NDRG1: variants seen among roughly 807,000 people sequenced by gnomAD.
NDRG1 encodes the protein N-myc downstream regulated 1, also known as protein NDRG1.
NDRG1 carries 32 observed loss-of-function variants against 56.9 expected under a neutral mutation model. The ratio of observed to expected loss-of-function variants is 0.56; its 90% CI spans 0.42 to 0.76. The LOEUF is 0.76. Ranked by LOEUF, NDRG1 falls within the 30% of genes least tolerant of loss-of-function variation. The probability of loss-of-function intolerance (pLI) is 0.00; values close to 1 mark genes in which losing one functional copy is unlikely to be tolerated. For missense variants in NDRG1, 507 were observed against 545.7 expected, an observed-to-expected ratio of 0.93 and a Z score of 0.71; for synonymous variants, 211 against 204.1, an observed-to-expected ratio of 1.03 and a Z score of -0.29.
chr8:133,242,892 TA>T (rs1462935994), intron 14 of NDRG1, among the ~76,000 whole-genome samples: 1 of 152,188 alleles, frequency 6.6e-6, no homozygotes, highest in Non-Finnish European at 1.5e-5. Context: ...GTTGGATGGG[TA>T]AACAAACCAA....
In NDRG1 at chr8:133,242,138, G is replaced by C. The variant is rs575133178; in HGVS notation, c.892-64C>G. The C allele has an allele frequency of 3.8e-5, 59 of 1,555,128 alleles. No individual in the cohort carries two copies. The East Asian group carries it at 1.2e-3, about 33-fold the overall frequency. ...GGGAGCCAGATCACCCGAGGCCATG[G>C]GGGGCTGTGCCTGTGGTCACCTTCA... On this transcript the variant is annotated intron_variant, in intron 14 of 15. Coordinates refer to ENST00000323851, the MANE Select transcript of NDRG1 (RefSeq NM_006096.4).
At chr8:133,295,314 C>T (rs946133072) in intron 1 of NDRG1, among the ~76,000 whole-genome samples, 1 of 152,218 alleles carries the variant, frequency 6.6e-6, no homozygotes, top group Non-Finnish European at 1.5e-5. Flanking sequence ...CAGGGCAGGG[C>T]AGGCAAATCC....
chr8:133,255,316 T>C (rs1407030449), intron 8 of NDRG1: 1 of 456,218 alleles, frequency 2.2e-6, no homozygotes, highest in Non-Finnish European at 4.4e-6. Context: ...GCCAGGAACT[T>C]CAAGGCCACA....
chr8:133,279,966 C>A (rs1157970173), intron 3 of NDRG1, among the ~76,000 whole-genome samples: 1 of 152,190 alleles, frequency 6.6e-6, no homozygotes, highest in Non-Finnish European at 1.5e-5. Flanking sequence ...CACGCCCCAC[C>A]GTTCTGGCCA....
At chr8:133,269,523 G>A (rs188841198) in intron 3 of NDRG1, among the ~76,000 whole-genome samples, 70 of 152,254 alleles carry the variant, frequency 4.6e-4, no homozygotes, top group Admixed American at 1.7e-3. Context: ...TTAAATACAC[G>A]GAACAACCAT....
intron 1 of NDRG1, among the ~76,000 whole-genome samples, chr8:133,291,870 C>T (rs1034877139): frequency 1.3e-5 from 2 of 152,158 alleles, no homozygotes; most frequent in Non-Finnish European, 2.9e-5. Context: ...TCCAGAGGGG[C>T]TGGAGCTGAA....
intron 13 of NDRG1, 27 bp from the exon 14 acceptor site, chr8:133,244,417 C>T: frequency 6.2e-7 from 1 of 1,614,110 alleles, no homozygotes; most frequent in Non-Finnish European, 8.5e-7. Context: ...CTCGTTAGTG[C>T]CAAACACCAC....
At chr8:133,276,184 T>C (rs1221129209) in intron 3 of NDRG1, among the ~76,000 whole-genome samples, 1 of 152,206 alleles carries the variant, frequency 6.6e-6, no homozygotes, top group South Asian at 2.1e-4. Context: ...CCCACTTTAA[T>C]GATGTCCTAA....
Position 133,238,876 on chromosome 8 carries a change from G to C in NDRG1, c.*2C>G. 1.9e-6 allele frequency: 3 copies of C among 1,551,806 alleles called. No individual in the cohort carries two copies. The Middle Eastern group carries it at 5.6e-4, about 290-fold the overall frequency. ...TCCGGGGGCGGCAGCTGGGCAGGCCGCCTAGCAGGAGACCTCCATGGACTT... is the reference window on the plus strand; with the variant it reads ...TCCGGGGGCGGCAGCTGGGCAGGCCCCCTAGCAGGAGACCTCCATGGACTT... On this transcript the variant is annotated 3_prime_UTR_variant, in exon 16 of 16. Transcript: ENST00000323851.
intron 2 of NDRG1, among the ~76,000 whole-genome samples, chr8:133,282,430 A>G (rs1857862204): frequency 1.3e-5 from 2 of 152,254 alleles, no homozygotes; most frequent in Non-Finnish European, 2.9e-5. Context: ...CAAGTGGATT[A>G]TGGACTGATG....
intron 12 of NDRG1, 25 bp downstream of exon 12, chr8:133,247,850 G>C (rs1156915548): frequency 6.2e-7 from 1 of 1,613,588 alleles, no homozygotes; most frequent in South Asian, 1.1e-5. Flanking sequence ...ATTAAACACA[G>C]AAATCAGCTG....
At chr8:133,284,870 C>A (rs570054869) in intron 1 of NDRG1, 21 of 456,410 alleles carry the variant, frequency 4.6e-5, no homozygotes, top group Non-Finnish European at 8.8e-5. Context: ...CATACACACC[C>A]CACGGTGCAG....
intron 1 of NDRG1, among the ~76,000 whole-genome samples, chr8:133,292,475 C>T (rs1858485013): frequency 6.6e-6 from 1 of 152,150 alleles, no homozygotes; most frequent in South Asian, 2.1e-4. Context: ...ATGGACAGGT[C>T]CCAGGAAGGA....
intron 3 of NDRG1, among the ~76,000 whole-genome samples, chr8:133,269,823 T>C (rs1857103220): frequency 6.6e-6 from 1 of 152,214 alleles, no homozygotes; most frequent in Admixed American, 6.5e-5. Context: ...GGACTGGCCA[T>C]CCATGCAGCA....
At chr8:133,273,338 G>T (rs117911482) in intron 3 of NDRG1, among the ~76,000 whole-genome samples, 1 of 152,222 alleles carries the variant, frequency 6.6e-6, no homozygotes, top group Non-Finnish European at 1.5e-5. Context: ...CAACTCTGCT[G>T]TCCCTTCCCC....
At chr8:133,249,990 G>T (rs1264915621) in intron 10 of NDRG1, among the ~76,000 whole-genome samples, 1 of 152,120 alleles carries the variant, frequency 6.6e-6, no homozygotes, top group African/African-American at 2.4e-5. Flanking sequence ...GGTTGAGAGG[G>T]CCACGCCTTA....
chr8:133,261,589 A>G (rs1403541611), intron 5 of NDRG1, among the ~76,000 whole-genome samples: 1 of 152,262 alleles, frequency 6.6e-6, no homozygotes, highest in Non-Finnish European at 1.5e-5. Flanking sequence ...GAAGGGCTCC[A>G]TCAATGTTAC....
chr8:133,275,000 G>C (rs531464383), intron 3 of NDRG1, among the ~76,000 whole-genome samples: 1 of 152,294 alleles, frequency 6.6e-6, no homozygotes, highest in Admixed American at 6.5e-5. Flanking sequence ...TCGCTTTGCT[G>C]CAACTCCCAT....
intron 5 of NDRG1, chr8:133,259,447 G>C (rs1563625000): frequency 3.3e-6 from 2 of 601,458 alleles, no homozygotes; most frequent in Non-Finnish European, 6.0e-6. Context: ...GACACATTCT[G>C]GGAATTAGCT....
Sources: allele counts gnomAD v4.1 joint callset (sites outside exome capture counted in the v4.1 genomes callset), GRCh38; gene constraint gnomAD v4.1.1; transcripts MANE v1.5; gene names NCBI Gene and HGNC (gene_info 2026-07-23, HGNC 2026-07-21).